FNBP1: variants seen among roughly 807,000 people sequenced by gnomAD.
FNBP1 encodes formin binding protein 1, also known as formin-binding protein 1.
FNBP1 carries 26 observed loss-of-function variants against 90.6 expected under a neutral mutation model. That is an observed-to-expected ratio of 0.29 (90% CI 0.21 to 0.40). The LOEUF (loss-of-function observed/expected upper bound fraction) is 0.40, where lower values mean the gene tolerates loss of function less well. FNBP1 is among the 10% of genes least tolerant of loss of function. The pLI is 1.00. For missense variants in FNBP1, 635 were observed against 768.0 expected (o/e 0.83, Z 2.05); for synonymous variants, 260 against 265.2 (o/e 0.98, Z 0.19).
chr9:129,972,193 G>A (rs1245235746), intron 4 of FNBP1, among the ~76,000 whole-genome samples: 1 of 152,152 alleles, frequency 6.6e-6, no homozygotes, highest in East Asian at 1.9e-4. Context: ...GAGTGCAGTG[G>A]CACAATCTCA....
intron 1 of FNBP1, among the ~76,000 whole-genome samples, chr9:130,030,848 T>C (rs2058741985): frequency 1.3e-5 from 2 of 152,122 alleles, no homozygotes; most frequent in South Asian, 4.1e-4. Context: ...AAATAAGAAA[T>C]TTGCTAGCTT....
rs187495580 is a variant in FNBP1 at position 129,965,762 on chromosome 9, A to G, written c.346-7209T>C. On this transcript the variant is annotated intron_variant, in intron 4 of 16. Transcript: ENST00000446176. ...GAAAAGAAGAAAGGGAAGGAAGTGA[A>G]GGAAGGGAGGGAAGGGAGGGAAGGA... Among the ~76,000 whole-genome samples, 857 of 134,596 alleles carry G rather than the reference A, an allele frequency of 6.4e-3. 14 individuals carry two copies. Among genetic ancestry groups the G allele is most frequent in the African/African-American group, 0.023 (828 of 36,530 alleles). The allele number at this position is 134,596 out of a possible 152,430, so 88.3% of individuals were successfully genotyped here. A position where few individuals can be genotyped will look rare whatever the true frequency, so the allele number is the denominator to read the frequency against.
intron 1 of FNBP1, among the ~76,000 whole-genome samples, chr9:130,035,675 G>A (rs749262741): frequency 4.6e-5 from 7 of 152,136 alleles, no homozygotes; most frequent in Non-Finnish European, 8.8e-5. Flanking sequence ...GGTCAGGCAC[G>A]GTGGCTCATG....
At chr9:129,992,905 G>C (rs1441688794) in intron 2 of FNBP1, among the ~76,000 whole-genome samples, 1 of 148,790 alleles carries the variant, frequency 6.7e-6, no homozygotes, top group Non-Finnish European at 1.5e-5. Flanking sequence ...CAATGGTGAG[G>C]GAGCTTGAAG....
chr9:129,970,045 C>T (rs1237359554), intron 4 of FNBP1, among the ~76,000 whole-genome samples: 3 of 147,680 alleles, frequency 2.0e-5, no homozygotes, highest in East Asian at 2.0e-4. Context: ...CCTCCCACCA[C>T]GCCTGGCTAA....
Position 129,957,328 on chromosome 9 carries a change from G to A in FNBP1, c.513+32C>T, listed in dbSNP as rs1290423152. 19 of 1,497,972 alleles carry A rather than the reference G, an allele frequency of 1.3e-5. No individual in the cohort carries two copies. The highest frequency in any genetic ancestry group is 4.5e-5 in the East Asian group (2 of 44,236). 92.8% of individuals were successfully genotyped at this position (1,497,972 alleles called of 1,614,324 possible). On this transcript the variant is annotated intron_variant, in intron 6 of 16. Coordinates refer to ENST00000446176, the MANE Select transcript of FNBP1 (RefSeq NM_015033.3). This position sits in a 1 kb window ranked among gnomAD's most constrained non-coding sequence, Gnocchi z 4.3. The stretch of plus-strand genomic sequence containing the variant: ...GCTGGGATTACAGGCGTGAGCCACC[G>A]TGCCCGGCCCACACTTGAGCTTTCA...
At chr9:129,952,678 G>A (rs192206357) in intron 6 of FNBP1, among the ~76,000 whole-genome samples, 5 of 152,254 alleles carry the variant, frequency 3.3e-5, no homozygotes, top group Admixed American at 1.3e-4. Flanking sequence ...AAGCTTGACT[G>A]GGAAAGGGGG....
intron 1 of FNBP1, among the ~76,000 whole-genome samples, chr9:130,026,952 C>A (rs1204099881): frequency 1.3e-5 from 2 of 149,666 alleles, no homozygotes; most frequent in Non-Finnish European, 3.0e-5. Flanking sequence ...GGCAACAGAG[C>A]CAGACCCTGT....
chr9:130,038,513 C>G (rs2059551406), intron 1 of FNBP1, among the ~76,000 whole-genome samples: 1 of 150,930 alleles, frequency 6.6e-6, no homozygotes, highest in Non-Finnish European at 1.5e-5. Context: ...TTCTCCGCCT[C>G]AGCCTCCCGA....
chr9:129,925,453 C>G (rs893467383), intron 8 of FNBP1, among the ~76,000 whole-genome samples: 2 of 151,452 alleles, frequency 1.3e-5, no homozygotes, highest in African/African-American at 4.8e-5. Context: ...TTGCAGTGAG[C>G]TGAGCTCGCG....
intron 10 of FNBP1, among the ~76,000 whole-genome samples, chr9:129,921,747 G>A (rs1044691343): frequency 1.3e-5 from 2 of 152,100 alleles, no homozygotes; most frequent in African/African-American, 4.8e-5. Flanking sequence ...GTGGAAATAC[G>A]ATTGTCAGGT....
chr9:129,998,803 T>C (rs1589164304), intron 1 of FNBP1, among the ~76,000 whole-genome samples: 1 of 152,230 alleles, frequency 6.6e-6, no homozygotes. Context: ...TAAAAATTAC[T>C]GGCCTCAATC....
chr9:130,037,416 A>G (rs2059417575), intron 1 of FNBP1, among the ~76,000 whole-genome samples: 1 of 152,188 alleles, frequency 6.6e-6, no homozygotes, highest in East Asian at 1.9e-4. Flanking sequence ...AGGGTTCTCC[A>G]ATTTAGCATT....
In FNBP1 at chr9:129,948,356, C is replaced by CTTTTTTTTTTTTTTTT. The variant is rs71385491; in HGVS notation, c.513+8988_513+9003dup. 4.8e-4 allele frequency among the ~76,000 whole-genome samples: 31 copies of CTTTTTTTTTTTTTTTT among 64,480 alleles called. 3 individuals are homozygous for CTTTTTTTTTTTTTTTT. The highest frequency in any genetic ancestry group is 1.4e-3 in the African/African-American group (20 of 14,224). The allele number at this position is 64,480 out of a possible 152,430, so 42.3% of individuals were successfully genotyped here. ...TCATACAAAACACCTATTTTGGTGT[C>CTTTTTTTTTTTTTTTT]TTTTTTTTTTTTTTTTTTTTTTTTT... On this transcript the variant is annotated intron_variant, in intron 6 of 16. Transcript: ENST00000446176.
At chr9:130,029,774 A>C (rs1017310590) in intron 1 of FNBP1, among the ~76,000 whole-genome samples, 2 of 151,980 alleles carry the variant, frequency 1.3e-5, no homozygotes, top group Non-Finnish European at 2.9e-5. Flanking sequence ...GCTTGGACTC[A>C]GGAGTTCAAG....
intron 1 of FNBP1, among the ~76,000 whole-genome samples, chr9:130,002,835 T>C (rs1192659665): frequency 2.6e-5 from 4 of 152,156 alleles, no homozygotes; most frequent in African/African-American, 9.7e-5. Flanking sequence ...GGAACCTCGC[T>C]GAACCACTCA....
At chr9:129,895,465 C>A in intron 16 of FNBP1, 1 of 1,136,588 alleles carries the variant, frequency 8.8e-7, no homozygotes, top group African/African-American at 1.6e-5. Flanking sequence ...GTCTTTGGCA[C>A]CTGCATGATG....
At chr9:130,039,608 G>GA (rs1384030665) in intron 1 of FNBP1, among the ~76,000 whole-genome samples, 1 of 150,202 alleles carries the variant, frequency 6.7e-6, no homozygotes, top group Non-Finnish European at 1.5e-5. Context: ...CCTGGGAAGT[G>GA]AAAGTTGCAG....
chr9:129,901,983 G>A (rs926949350), intron 13 of FNBP1, among the ~76,000 whole-genome samples: 1 of 152,222 alleles, frequency 6.6e-6, no homozygotes, highest in African/African-American at 2.4e-5. Context: ...TGGTAGAATC[G>A]GTTGCTAATG....
Sources: allele counts gnomAD v4.1 joint callset (sites outside exome capture counted in the v4.1 genomes callset), GRCh38; gene constraint gnomAD v4.1.1; non-coding constraint Gnocchi (gnomAD v3.1); transcripts MANE v1.5; gene names NCBI Gene and HGNC (gene_info 2026-07-23, HGNC 2026-07-21).